The following CELF4 variants were observed in gnomAD, a reference collection of about 807,000 sequenced individuals.
CELF4 encodes the protein CUG-BP- and ETR-3-like factor 4.
Under a neutral mutation model 59.9 loss-of-function variants are expected in CELF4, and 18 were observed. The ratio of observed to expected loss-of-function variants is 0.30; its 90% confidence interval spans 0.21 to 0.45. The LOEUF is 0.45. CELF4 is among the 20% of genes least tolerant of loss of function. CELF4 has a pLI of 1.00. For synonymous variants in CELF4, 261 were observed against 267.1 expected, an observed-to-expected ratio of 0.98 and a Z score of 0.22; for missense variants, 456 against 689.0, an observed-to-expected ratio of 0.66 and a Z score of 3.79.
intron 2 of CELF4, among the ~76,000 whole-genome samples, chr18:37,373,127 G>T (rs2098922841): frequency 6.6e-6 from 1 of 152,262 alleles, no homozygotes; most frequent in Non-Finnish European, 1.5e-5. Context: ...TGAGGCTGGA[G>T]TGGACGCCGC....
At chr18:37,494,846 C>T (rs868652810) in intron 1 of CELF4, among the ~76,000 whole-genome samples, 12 of 152,242 alleles carry the variant, frequency 7.9e-5, no homozygotes, top group Middle Eastern at 3.4e-3. Flanking sequence ...GAGAGGTCCT[C>T]CCTCCCCACC....
intron 2 of CELF4, among the ~76,000 whole-genome samples, chr18:37,478,251 G>A (rs2099856119): frequency 6.6e-6 from 1 of 152,220 alleles, no homozygotes; most frequent in Admixed American, 6.5e-5. Context: ...TGTGTCCAGG[G>A]AGGGTCCGGG....
At chr18:37,458,755 T>C (rs995074764) in intron 2 of CELF4, among the ~76,000 whole-genome samples, 17 of 152,152 alleles carry the variant, frequency 1.1e-4, no homozygotes, top group Non-Finnish European at 1.5e-5. Flanking sequence ...CTGCCACTTA[T>C]AAAGTTTCTC....
At chr18:37,275,907 C>T (rs1352211554) in intron 3 of CELF4, 1 of 152,296 alleles carries the variant, frequency 6.6e-6, no homozygotes, top group East Asian at 1.9e-4. Flanking sequence ...GGGATGCTCA[C>T]TGGGGAAAGA....
intron 2 of CELF4, among the ~76,000 whole-genome samples, chr18:37,427,635 AC>A (rs1250008796): frequency 6.6e-6 from 1 of 152,120 alleles, no homozygotes; most frequent in East Asian, 1.9e-4. Context: ...TTCCCCAGCT[AC>A]ATGTGGAGAC....
chr18:37,450,714 C>T (rs192035403), intron 2 of CELF4, among the ~76,000 whole-genome samples: 170 of 152,202 alleles, frequency 1.1e-3, no homozygotes, highest in African/African-American at 3.9e-3. Flanking sequence ...ACCTCATGGG[C>T]TCCCCAGATG....
intron 1 of CELF4, among the ~76,000 whole-genome samples, chr18:37,564,748 C>A (rs1157957199): frequency 6.6e-6 from 1 of 151,912 alleles, no homozygotes; most frequent in South Asian, 2.1e-4. Context: ...ACCCCCCCAC[C>A]CCCAACACAC....
At chr18:37,269,271 T>C (rs1372719223) in intron 8 of CELF4, among the ~76,000 whole-genome samples, 5 of 152,088 alleles carry the variant, frequency 3.3e-5, no homozygotes, top group Admixed American at 2.0e-4. Context: ...TGGCCTCTTC[T>C]TGGTGGATTG....
At chr18:37,480,776 A>G (rs1320831253) in intron 2 of CELF4, among the ~76,000 whole-genome samples, 2 of 152,110 alleles carry the variant, frequency 1.3e-5, no homozygotes, top group Admixed American at 1.3e-4. Flanking sequence ...ATAAAAGAAG[A>G]AAGTGTTGGT....
At chr18:37,283,426 G>A (rs1262656495) in intron 3 of CELF4, among the ~76,000 whole-genome samples, 1 of 152,096 alleles carries the variant, frequency 6.6e-6, no homozygotes, top group East Asian at 1.9e-4. Context: ...GGGCTACACA[G>A]GCACACACAC....
chr18:37,424,172 T>C (rs1176703547), intron 2 of CELF4, among the ~76,000 whole-genome samples: 2 of 152,184 alleles, frequency 1.3e-5, no homozygotes, highest in Non-Finnish European at 2.9e-5. Flanking sequence ...TGCAAGGGCC[T>C]GATTTGCTGT....
intron 1 of CELF4, among the ~76,000 whole-genome samples, chr18:37,540,595 GC>G (rs1049572815): frequency 6.6e-6 from 1 of 152,170 alleles, no homozygotes; most frequent in African/African-American, 2.4e-5. Flanking sequence ...CAGCAGTGGG[GC>G]AGGGAGGAGG....
intron 1 of CELF4, among the ~76,000 whole-genome samples, chr18:37,525,461 C>A (rs1211569026): frequency 6.6e-6 from 1 of 152,002 alleles, no homozygotes; most frequent in East Asian, 1.9e-4. Flanking sequence ...AGCTGCCCGG[C>A]ATGTCTGCAT....
intron 1 of CELF4, among the ~76,000 whole-genome samples, chr18:37,548,660 G>A (rs973993877): frequency 1.3e-5 from 2 of 152,150 alleles, no homozygotes; most frequent in African/African-American, 2.4e-5. Flanking sequence ...CTTTTGCACC[G>A]TGTTTTCCCT....
chr18:37,542,480 C>T (rs1308313966), intron 1 of CELF4, among the ~76,000 whole-genome samples: 4 of 152,214 alleles, frequency 2.6e-5, no homozygotes, highest in South Asian at 2.1e-4. Context: ...CTTCCCCAAG[C>T]GTACGACTCA....
At chr18:37,295,335 T>G (rs571468309) in intron 3 of CELF4, among the ~76,000 whole-genome samples, 72 of 152,254 alleles carry the variant, frequency 4.7e-4, no homozygotes, top group Non-Finnish European at 9.1e-4. Flanking sequence ...TGGCAGATCT[T>G]GAATCCAGAT....
intron 2 of CELF4, among the ~76,000 whole-genome samples, chr18:37,390,805 G>C (rs11664411): frequency 1.1e-5 from 1 of 89,290 alleles, no homozygotes; most frequent in South Asian, 3.7e-4. Context: ...GATGGGGCGG[G>C]GAGGGGGGGC....
intron 2 of CELF4, among the ~76,000 whole-genome samples, chr18:37,388,337 T>C (rs1000497731): frequency 8.5e-5 from 13 of 152,086 alleles, no homozygotes; most frequent in Non-Finnish European, 1.8e-4. Context: ...GACTGCACTC[T>C]GACGCTTCCT....
chr18:37,444,969 GCA>G (rs1330486435), intron 2 of CELF4, among the ~76,000 whole-genome samples: 1 of 152,166 alleles, frequency 6.6e-6, no homozygotes, highest in East Asian at 1.9e-4. Context: ...CTGCAGAAGG[GCA>G]CACACAGCCT....
Sources: gnomAD v4.1 joint callset for allele counts (sites outside exome capture counted in the v4.1 genomes callset) on GRCh38, gnomAD v4.1.1 for gene constraint, MANE v1.5 for transcripts, NCBI Gene and HGNC (gene_info 2026-07-23, HGNC 2026-07-21) for gene names.